TTC28: variants seen among roughly 807,000 people sequenced by gnomAD.
The protein encoded by TTC28 is tetratricopeptide repeat domain 28, also known as tetratricopeptide repeat protein 28.
TTC28 carries 61 observed loss-of-function variants against 198.0 expected under a neutral mutation model. That is an observed-to-expected ratio of 0.31 (90% CI 0.25 to 0.38). TTC28 has a LOEUF of 0.38. Ranked by LOEUF, TTC28 falls within the 10% of genes least tolerant of loss-of-function variation. The probability of loss-of-function intolerance (pLI) is 1.00; values close to 1 mark genes in which losing one functional copy is unlikely to be tolerated. For missense variants in TTC28, 2,678 were observed against 3,164.0 expected (o/e 0.85, Z 3.69); for synonymous variants, 1,171 against 1,297.8 (o/e 0.90, Z 2.10).
intron 5 of TTC28, among the ~76,000 whole-genome samples, chr22:28,186,456 C>A (rs753318701): frequency 9.2e-5 from 14 of 152,116 alleles, no homozygotes; most frequent in Non-Finnish European, 2.1e-4. Flanking sequence ...ACAGGATGGG[C>A]TATGCTTCAG....
At chr22:28,076,427 A>G (rs1941172027) in intron 12 of TTC28, among the ~76,000 whole-genome samples, 2 of 152,226 alleles carry the variant, frequency 1.3e-5, no homozygotes, top group South Asian at 2.1e-4. Context: ...TTTGTAATTC[A>G]TTTGCTTAAA....
intron 2 of TTC28, among the ~76,000 whole-genome samples, chr22:28,417,818 G>A (rs2047190510): frequency 6.6e-6 from 1 of 152,130 alleles, no homozygotes; most frequent in South Asian, 2.1e-4. Flanking sequence ...CCAATACATA[G>A]ATGAGGGCCA....
At chr22:28,030,476 T>C in intron 12 of TTC28, 110 bp from the exon 13 acceptor site, 2 of 1,369,632 alleles carry the variant, frequency 1.5e-6, no homozygotes, top group South Asian at 1.4e-5. Flanking sequence ...TCTAGTACCG[T>C]TGTCTCCAGA....
At chr22:28,241,707 C>A (rs1929667935) in intron 5 of TTC28, among the ~76,000 whole-genome samples, 1 of 151,944 alleles carries the variant, frequency 6.6e-6, no homozygotes, top group African/African-American at 2.4e-5. Context: ...AATTTTACAA[C>A]TTTTTTGTAA....
chr22:28,587,504 ATTTAT>A (rs2050339439), intron 2 of TTC28, among the ~76,000 whole-genome samples: 1 of 152,026 alleles, frequency 6.6e-6, no homozygotes, highest in African/African-American at 2.4e-5. Context: ...ATTTTTATTT[ATTTAT>A]TTTATTTATT....
intron 5 of TTC28, among the ~76,000 whole-genome samples, chr22:28,278,210 C>G (rs768090676): frequency 1.3e-5 from 2 of 152,076 alleles, no homozygotes; most frequent in East Asian, 3.9e-4. Flanking sequence ...TATCAAACTA[C>G]ATAAAAATCC....
intron 12 of TTC28, among the ~76,000 whole-genome samples, chr22:28,071,110 T>C (rs897967705): frequency 6.6e-6 from 1 of 151,990 alleles, no homozygotes; most frequent in African/African-American, 2.4e-5. Flanking sequence ...TAGTCAGTCC[T>C]TTCTAAAAGC....
chr22:28,207,170 C>T (rs1926479704), intron 5 of TTC28, among the ~76,000 whole-genome samples: 1 of 150,634 alleles, frequency 6.6e-6, no homozygotes, highest in African/African-American at 2.4e-5. Context: ...AACTGACAAG[C>T]CACTAAGCCC....
chr22:28,072,402 G>A (rs933947827), intron 12 of TTC28, among the ~76,000 whole-genome samples: 10 of 152,304 alleles, frequency 6.6e-5, no homozygotes, highest in Middle Eastern at 3.4e-3. Flanking sequence ...CTGCTAAGTC[G>A]TCATCTGGCC....
At chr22:28,285,070 C>T (rs2044655775) in intron 5 of TTC28, among the ~76,000 whole-genome samples, 2 of 152,074 alleles carry the variant, frequency 1.3e-5, no homozygotes, top group African/African-American at 4.8e-5. Context: ...TCACAATAGC[C>T]AAGATATGGA....
At chr22:28,145,345 C>T (rs1272955860) in intron 6 of TTC28, among the ~76,000 whole-genome samples, 1 of 152,102 alleles carries the variant, frequency 6.6e-6, no homozygotes, top group East Asian at 1.9e-4. Flanking sequence ...TAAGAGCTCA[C>T]GTTAGGCTGC....
intron 2 of TTC28, among the ~76,000 whole-genome samples, chr22:28,442,268 C>T (rs1392408375): frequency 2.0e-5 from 3 of 152,346 alleles, no homozygotes; most frequent in East Asian, 3.9e-4. Context: ...CAATGGCCAG[C>T]GCAGGCAATC....
intron 6 of TTC28, among the ~76,000 whole-genome samples, chr22:28,126,180 C>A (rs1370718933): frequency 5.9e-5 from 9 of 152,140 alleles, no homozygotes; most frequent in Non-Finnish European, 2.9e-5. Context: ...ATGGTTTCTC[C>A]ATTGACAAGA....
chr22:28,250,373 A>G (rs1397270076), intron 5 of TTC28, among the ~76,000 whole-genome samples: 3 of 152,202 alleles, frequency 2.0e-5, no homozygotes, highest in African/African-American at 7.2e-5. Flanking sequence ...TAGCCTTACT[A>G]TTCTTAAAAG....
intron 1 of TTC28, among the ~76,000 whole-genome samples, chr22:28,644,845 T>G (rs1172006660): frequency 6.6e-6 from 1 of 151,740 alleles, no homozygotes; most frequent in Admixed American, 6.6e-5. Flanking sequence ...AAATTAAAAT[T>G]TTTTAAATGC....
chr22:28,481,074 GCTATTCTGTTATT>G (rs1386986161), intron 2 of TTC28, among the ~76,000 whole-genome samples: 1 of 152,056 alleles, frequency 6.6e-6, no homozygotes, highest in Non-Finnish European at 1.5e-5. Context: ...TAACTACTAT[GCTATTCTGTTATT>G]CTATTCTTTG....
intron 2 of TTC28, among the ~76,000 whole-genome samples, chr22:28,345,097 G>C (rs1034236545): frequency 6.6e-6 from 1 of 152,180 alleles, no homozygotes; most frequent in South Asian, 2.1e-4. Context: ...CCGCCTCCCT[G>C]ACTGAAGTTT....
At chr22:28,621,673 T>C (rs1368690810) in intron 2 of TTC28, among the ~76,000 whole-genome samples, 1 of 145,316 alleles carries the variant, frequency 6.9e-6, no homozygotes, top group East Asian at 2.0e-4. Context: ...AGCCCAGGAG[T>C]TCAAAACTGT....
At chr22:28,392,446 T>C (rs2046743424) in intron 2 of TTC28, among the ~76,000 whole-genome samples, 2 of 152,224 alleles carry the variant, frequency 1.3e-5, no homozygotes, top group Non-Finnish European at 1.5e-5. Context: ...CCAGCCTCGC[T>C]GCCGCCTTGC....
Sources: allele counts gnomAD v4.1 joint callset (sites outside exome capture counted in the v4.1 genomes callset), GRCh38; gene constraint gnomAD v4.1.1; transcripts MANE v1.5; gene names NCBI Gene and HGNC (gene_info 2026-07-23, HGNC 2026-07-21).